The following EPB41L5 variants were observed in gnomAD, a reference collection of about 807,000 sequenced individuals.
The protein encoded by EPB41L5 is erythrocyte membrane protein band 4.1 like 5.
A neutral mutation model predicts 106.6 loss-of-function variants in EPB41L5; 55 were observed. The observed-to-expected ratio is 0.52, with a 90% CI of 0.42 to 0.65. The LOEUF (loss-of-function observed/expected upper bound fraction) is 0.65, where lower values mean the gene tolerates loss of function less well. Ranked by LOEUF, EPB41L5 falls within the 30% of genes least tolerant of loss-of-function variation. EPB41L5 has a pLI of 0.00. For synonymous variants in EPB41L5, 297 were observed against 306.7 expected, an observed-to-expected ratio of 0.97 and a Z score of 0.33; for missense variants, 871 against 882.1, an observed-to-expected ratio of 0.99 and a Z score of 0.16.
At chr2:120,057,206 C>T (rs1680716334) in intron 3 of EPB41L5, among the ~76,000 whole-genome samples, 1 of 152,074 alleles carries the variant, frequency 6.6e-6, no homozygotes, top group South Asian at 2.1e-4. Context: ...TCTCTAAAGG[C>T]CACTTTAGAG....
intron 16 of EPB41L5, chr2:120,106,391 A>G (rs535127078): frequency 3.0e-6 from 3 of 985,184 alleles, no homozygotes; most frequent in African/African-American, 3.5e-5. Flanking sequence ...TGCAAGATGG[A>G]TATATATGTT....
At chr2:120,164,537 G>T (rs1421200647) in intron 21 of EPB41L5, among the ~76,000 whole-genome samples, 1 of 152,102 alleles carries the variant, frequency 6.6e-6, no homozygotes, top group Admixed American at 6.5e-5. Flanking sequence ...TAATTAAAAA[G>T]AAAAAGTTAA....
chr2:120,066,245 A>G (rs1181032071), intron 3 of EPB41L5, among the ~76,000 whole-genome samples: 1 of 152,210 alleles, frequency 6.6e-6, no homozygotes, highest in Non-Finnish European at 1.5e-5. Flanking sequence ...CGGATAATAT[A>G]GGAAAGCACA....
chr2:120,167,837 A>G (rs2105560796), intron 23 of EPB41L5, 40 bp from the exon 24 acceptor site: 3 of 1,612,648 alleles, frequency 1.9e-6, no homozygotes, highest in South Asian at 1.1e-5. Flanking sequence ...CCAGGCAGGT[A>G]TTGTTACCCT....
intron 16 of EPB41L5, among the ~76,000 whole-genome samples, chr2:120,112,336 G>C (rs1178910067): frequency 6.6e-6 from 1 of 152,162 alleles, no homozygotes; most frequent in East Asian, 1.9e-4. Context: ...TTAAGGGAGA[G>C]CATTTATTTT....
At chr2:120,090,792 AGAG>A (rs1040126887) in intron 12 of EPB41L5, among the ~76,000 whole-genome samples, 5 of 152,216 alleles carry the variant, frequency 3.3e-5, no homozygotes, top group Admixed American at 1.3e-4. Context: ...CTATTTAACA[AGAG>A]TTTTATGGAC....
At chr2:120,051,275 G>A (rs895057283) in intron 3 of EPB41L5, among the ~76,000 whole-genome samples, 6 of 152,222 alleles carry the variant, frequency 3.9e-5, no homozygotes, top group African/African-American at 1.4e-4. Context: ...GAGGCAGGCA[G>A]GCCTCCTTGA....
At chr2:120,045,590 A>G (rs140797735) in intron 3 of EPB41L5, among the ~76,000 whole-genome samples, 162 of 152,328 alleles carry the variant, frequency 1.1e-3, no homozygotes, top group African/African-American at 3.8e-3. Context: ...CTGTATTCAG[A>G]TAATGTTAAC....
At chr2:120,061,269 C>T (rs1388793874) in intron 3 of EPB41L5, among the ~76,000 whole-genome samples, 1 of 146,902 alleles carries the variant, frequency 6.8e-6, no homozygotes, top group Non-Finnish European at 1.5e-5. Flanking sequence ...GTCGCCCAGG[C>T]TGGAGTGCAG....
At position 120,078,515 on chromosome 2, in the gene EPB41L5, GT is replaced by G. The variant is rs775953494; in HGVS notation, c.740del (p.Leu247TrpfsTer3). On this transcript the variant is annotated frameshift_variant, in exon 10 of 25. Coordinates refer to ENST00000263713, the MANE Select transcript of EPB41L5 (RefSeq NM_020909.4). LOFTEE classifies it high-confidence loss of function. ...VVKARDGNDY[S>X]LGLTPTGVLV... The stretch of plus-strand genomic sequence containing the variant: ...TAGGCTAGAGATGGGAATGACTATA[GT>G]TTGGGACTAACACCAACAGGAGTCC... 1 of 1,609,154 alleles carries G rather than the reference GT, an allele frequency of 6.2e-7. No individual in the cohort carries two copies. The highest frequency in any genetic ancestry group is 1.1e-5 in the South Asian group (1 of 90,130).
intron 20 of EPB41L5, among the ~76,000 whole-genome samples, chr2:120,157,850 G>A (rs1261877308): frequency 2.7e-5 from 4 of 150,672 alleles, no homozygotes; most frequent in Non-Finnish European, 4.4e-5. Context: ...ATAATAGACC[G>A]CTAGGTAGAC....
At chr2:120,096,485 G>C (rs1238194432) in intron 14 of EPB41L5, among the ~76,000 whole-genome samples, 1 of 152,134 alleles carries the variant, frequency 6.6e-6, no homozygotes, top group Non-Finnish European at 1.5e-5. Flanking sequence ...TATAAGCTAT[G>C]TTTTTCAGAA....
intron 2 of EPB41L5, among the ~76,000 whole-genome samples, chr2:120,035,513 T>C (rs1041253565): frequency 6.6e-6 from 1 of 152,212 alleles, no homozygotes; most frequent in African/African-American, 2.4e-5. Context: ...TATTAATGTT[T>C]GTTCAATAAA....
intron 20 of EPB41L5, among the ~76,000 whole-genome samples, chr2:120,159,229 CCTGG>C (rs1332593308): frequency 4.0e-5 from 6 of 150,736 alleles, no homozygotes; most frequent in South Asian, 2.1e-4. Context: ...TCGAGATCAT[CCTGG>C]CTAACACAGT....
chr2:120,123,529 T>A (rs1261794210), intron 16 of EPB41L5, among the ~76,000 whole-genome samples: 2 of 152,022 alleles, frequency 1.3e-5, no homozygotes, highest in African/African-American at 2.4e-5. Context: ...TTACTTGTAA[T>A]CATTGAAACA....
intron 3 of EPB41L5, among the ~76,000 whole-genome samples, chr2:120,060,704 A>C (rs1256582220): frequency 4.6e-5 from 7 of 152,134 alleles, no homozygotes; most frequent in Non-Finnish European, 2.9e-5. Context: ...TGGTATTAGG[A>C]TAGGAATCTA....
rs1558918398 is a variant in EPB41L5, at chr2:120,167,657, G to GGCTT, written c.2004+151_2004+154dup. 3.0e-6 allele frequency: 3 copies of GGCTT among 1,012,456 alleles called. No individual in the cohort carries two copies. In the Admixed American group the frequency reaches 7.3e-5, roughly 24 times the overall value. The allele number at this position is 1,012,456 out of a possible 1,614,324, so 62.7% of individuals were successfully genotyped here. A position where few individuals can be genotyped will look rare whatever the true frequency, so the allele number is the denominator to read the frequency against. On this transcript the variant is annotated intron_variant, in intron 23 of 24. Coordinates refer to ENST00000263713, the MANE Select transcript of EPB41L5 (RefSeq NM_020909.4). ...CTTAACTTAATGGCTTCAAGCTAGTGGCTTACCCTTTCTGGTTGTAAATGT... is the reference window on the plus strand; with the variant it reads ...CTTAACTTAATGGCTTCAAGCTAGTGGCTTGCTTACCCTTTCTGGTTGTAAATGT...
chr2:120,141,978 C>T (rs1383327936), intron 18 of EPB41L5, among the ~76,000 whole-genome samples: 3 of 151,966 alleles, frequency 2.0e-5, no homozygotes, highest in African/African-American at 7.3e-5. Flanking sequence ...AAATTACCCA[C>T]CTCTTGAAGT....
chr2:120,023,358 G>A (rs1678072874), intron 2 of EPB41L5, among the ~76,000 whole-genome samples: 1 of 152,006 alleles, frequency 6.6e-6, no homozygotes, highest in Non-Finnish European at 1.5e-5. Flanking sequence ...TAATTTTTGT[G>A]TAAGATGTTA....
Sources: allele counts gnomAD v4.1 joint callset (sites outside exome capture counted in the v4.1 genomes callset), GRCh38; gene constraint gnomAD v4.1.1; transcripts MANE v1.5; gene names NCBI Gene and HGNC (gene_info 2026-07-23, HGNC 2026-07-21).